AAMDC: variants seen among roughly 807,000 people sequenced by gnomAD.
AAMDC encodes the protein mth938 domain-containing protein.
Under a neutral mutation model 15.5 loss-of-function variants are expected in AAMDC, and 16 were observed. The ratio of observed to expected loss-of-function variants is 1.03; its 90% CI spans 0.70 to 1.57. AAMDC has a LOEUF of 1.57. Ranked by LOEUF, AAMDC falls within the 40% of genes most tolerant of loss-of-function variation. The pLI is 0.00. For synonymous variants in AAMDC, 51 were observed against 51.6 expected (o/e 0.99, Z 0.05); for missense variants, 141 against 144.9 (o/e 0.97, Z 0.14).
chr11:77,871,740 A>T (rs1422834703), intron 3 of AAMDC, among the ~76,000 whole-genome samples: 1 of 152,240 alleles, frequency 6.6e-6, no homozygotes, highest in Non-Finnish European at 1.5e-5. Context: ...GACTAACTCA[A>T]ACATTTAACA....
At chr11:77,834,441 GTT>G (rs11438814) in intron 1 of AAMDC, among the ~76,000 whole-genome samples, 50 of 105,526 alleles carry the variant, frequency 4.7e-4, no homozygotes, top group South Asian at 1.0e-3. Flanking sequence ...AGTTGATTTT[GTT>G]TTTTTTTTTT....
chr11:77,877,705 A>G (rs921789020), intron 5 of AAMDC, among the ~76,000 whole-genome samples: 1 of 152,202 alleles, frequency 6.6e-6, no homozygotes, highest in Non-Finnish European at 1.5e-5. Flanking sequence ...GGCAGTACCA[A>G]AGGTTAACCT....
intron 2 of AAMDC, among the ~76,000 whole-genome samples, chr11:77,868,108 T>C (rs1003664592): frequency 2.7e-5 from 4 of 148,484 alleles, no homozygotes; most frequent in Non-Finnish European, 5.9e-5. Flanking sequence ...CAGGCTGGAG[T>C]GCAGTGGCAC....
At chr11:77,830,662 G>T (rs1478302035) in intron 1 of AAMDC, among the ~76,000 whole-genome samples, 4 of 151,976 alleles carry the variant, frequency 2.6e-5, no homozygotes, top group Admixed American at 2.6e-4. Flanking sequence ...ATAGGTCCGT[G>T]TGGGTTACAC....
At chr11:77,856,044 A>T (rs538464816) in intron 2 of AAMDC, among the ~76,000 whole-genome samples, 3 of 152,262 alleles carry the variant, frequency 2.0e-5, no homozygotes, top group African/African-American at 7.2e-5. Flanking sequence ...CCTTGAGCCC[A>T]GGAGGCAGAG....
intron 1 of AAMDC, chr11:77,831,742 C>G (rs1197558193): frequency 6.7e-6 from 1 of 149,488 alleles, no homozygotes; most frequent in Non-Finnish European, 1.5e-5. Flanking sequence ...GTCACCCAGG[C>G]TGGAGTGCAG....
chr11:77,862,686 G>A (rs781757038), intron 2 of AAMDC, among the ~76,000 whole-genome samples: 1 of 152,092 alleles, frequency 6.6e-6, no homozygotes, highest in Non-Finnish European at 1.5e-5. Flanking sequence ...ACATAATTGC[G>A]AGTTGTCTCT....
downstream of AAMDC, among the ~76,000 whole-genome samples, chr11:77,900,964 A>C (rs1428149163): frequency 3.9e-5 from 6 of 152,210 alleles, no homozygotes; most frequent in Admixed American, 3.9e-4. Flanking sequence ...AAGGTTCATA[A>C]CCAAACAACT....
intron 5 of AAMDC, chr11:77,894,500 C>T (rs965221056): frequency 1.9e-6 from 1 of 535,846 alleles, no homozygotes; most frequent in Non-Finnish European, 3.4e-6. Flanking sequence ...TCCTAATGGA[C>T]CTGGGGGAAA....
chr11:77,842,342 T>C (rs1949966887), intron 1 of AAMDC, 137 bp from the exon 2 acceptor site: 2 of 823,340 alleles, frequency 2.4e-6, no homozygotes, highest in East Asian at 2.7e-5. Flanking sequence ...TTTAGACCTC[T>C]AAAGAAGAAG....
intron 2 of AAMDC, among the ~76,000 whole-genome samples, chr11:77,849,654 T>A (rs982158133): frequency 7.9e-5 from 12 of 152,178 alleles, no homozygotes; most frequent in Admixed American, 1.3e-4. Flanking sequence ...TGTTTTTTTT[T>A]AATTATGCAG....
chr11:77,826,426 G>T (rs1949176129), intron 1 of AAMDC, among the ~76,000 whole-genome samples: 1 of 152,072 alleles, frequency 6.6e-6, no homozygotes, highest in South Asian at 2.1e-4. Flanking sequence ...ATGTGTCTGT[G>T]TTTTAAATTT....
intron 2 of AAMDC, among the ~76,000 whole-genome samples, chr11:77,863,298 T>G (rs1184376551): frequency 1.3e-5 from 2 of 152,104 alleles, no homozygotes; most frequent in African/African-American, 4.8e-5. Context: ...GCAGACACCC[T>G]GCCGGATCCG....
intron 1 of AAMDC, among the ~76,000 whole-genome samples, chr11:77,836,623 A>T (rs1949693408): frequency 6.6e-6 from 1 of 152,212 alleles, no homozygotes. Flanking sequence ...CATACTCGTT[A>T]TGTCTCTCCT....
intron 1 of AAMDC, among the ~76,000 whole-genome samples, chr11:77,825,540 TAAG>T (rs1949129319): frequency 6.6e-6 from 1 of 152,086 alleles, no homozygotes; most frequent in Non-Finnish European, 1.5e-5. Flanking sequence ...GATAGTTTAA[TAAG>T]AAGATGTATG....
In AAMDC at chr11:77,891,713, T is replaced by A; in HGVS notation, c.329-8858T>A. On this transcript the variant is annotated intron_variant, in intron 5 of 5. Coordinates refer to the AAMDC transcript ENST00000304716. ...GGAAGCGGGAGATGCAGAAAGGCAC[T>A]CTGTCGCAGCATGGTCTGTAGAATT... 1.9e-6 allele frequency: 3 copies of A among 1,611,998 alleles called. No homozygotes were observed. In the South Asian group the frequency reaches 3.3e-5, roughly 18 times the overall value.
chr11:77,878,190 G>A (rs142224618), intron 5 of AAMDC, among the ~76,000 whole-genome samples: 33 of 151,926 alleles, frequency 2.2e-4, no homozygotes, highest in South Asian at 1.5e-3. Flanking sequence ...GTGAAACCCC[G>A]TCTCTACTAA....
chr11:77,875,041 CAAA>C (rs397791397), downstream of AAMDC, among the ~76,000 whole-genome samples: 1 of 120,894 alleles, frequency 8.3e-6, no homozygotes, highest in Admixed American at 8.4e-5. Context: ...GACTCCATCT[CAAA>C]AAAAAAAAAA....
chr11:77,879,276 A>C, intron 5 of AAMDC: 1 of 798,134 alleles, frequency 1.3e-6, no homozygotes, highest in Non-Finnish European at 1.9e-6. Flanking sequence ...CACCAAACAA[A>C]ACACTGAGCC....
Sources: gnomAD v4.1 joint callset for allele counts (sites outside exome capture counted in the v4.1 genomes callset) on GRCh38, gnomAD v4.1.1 for gene constraint, MANE v1.5 for transcripts, NCBI Gene and HGNC (gene_info 2026-07-23, HGNC 2026-07-21) for gene names.